Variants in FAM81B observed in about 807,000 individuals in gnomAD.
FAM81B encodes the protein protein FAM81B.
FAM81B carries 60 observed loss-of-function variants against 58.7 expected under a neutral mutation model. That is an observed-to-expected ratio of 1.02 (90% CI 0.83 to 1.27). FAM81B has a LOEUF of 1.27. Ranked by LOEUF, FAM81B falls within the 50% of genes most tolerant of loss-of-function variation. The pLI is 0.00. For synonymous variants in FAM81B, 189 were observed against 179.6 expected (o/e 1.05, Z -0.42); for missense variants, 491 against 522.0 (o/e 0.94, Z 0.58).
intron 4 of FAM81B, 123 bp from the exon 5 acceptor site, chr5:95,420,161 C>T: frequency 8.6e-7 from 1 of 1,164,946 alleles, no homozygotes; most frequent in Non-Finnish European, 1.2e-6. Context: ...ATAGGACTCT[C>T]TCACTCATGC....
At chr5:95,408,075 T>TGAGAGAGAGAGAGAGAGAGAGAGA (rs10567707) in intron 3 of FAM81B, among the ~76,000 whole-genome samples, 2 of 130,330 alleles carry the variant, frequency 1.5e-5, no homozygotes, top group African/African-American at 5.9e-5. Context: ...TCCCCCAAAA[T>TGAGAGAGAGAGAGAGAGAGAGAGA]GAGAGAGAGA....
chr5:95,394,062 T>C (rs2548650), intron 2 of FAM81B, among the ~76,000 whole-genome samples: 48,865 of 151,938 alleles, frequency 0.32, 8,288 homozygotes, highest in Middle Eastern at 0.4. Flanking sequence ...AAAGCCAACA[T>C]CAGTGGCTTT....
intron 8 of FAM81B, among the ~76,000 whole-genome samples, chr5:95,447,050 T>A (rs373970142): frequency 1.3e-5 from 2 of 152,182 alleles, no homozygotes; most frequent in East Asian, 3.9e-4. Flanking sequence ...CCCTGAGTGA[T>A]GTGCAGACAA....
intron 7 of FAM81B, among the ~76,000 whole-genome samples, chr5:95,438,342 T>C (rs185387924): frequency 8.5e-5 from 13 of 152,282 alleles, no homozygotes; most frequent in East Asian, 3.9e-4. Flanking sequence ...GTAATCTGTT[T>C]CTAGATATAC....
chr5:95,424,898 G>T (rs1390014054), intron 5 of FAM81B, among the ~76,000 whole-genome samples: 1 of 152,038 alleles, frequency 6.6e-6, no homozygotes, highest in Non-Finnish European at 1.5e-5. Flanking sequence ...ATAACAAAAG[G>T]AGATAGATAG....
At chr5:95,412,777 G>A (rs1029684192) in intron 3 of FAM81B, among the ~76,000 whole-genome samples, 10 of 152,140 alleles carry the variant, frequency 6.6e-5, no homozygotes, top group African/African-American at 2.4e-4. Context: ...AATATATAAA[G>A]AAGCAGGTAA....
At chr5:95,409,092 A>G (rs1224289532) in intron 3 of FAM81B, among the ~76,000 whole-genome samples, 2 of 152,250 alleles carry the variant, frequency 1.3e-5, no homozygotes, top group African/African-American at 2.4e-5. Context: ...ACATGTTACA[A>G]TGACATTTTA....
intron 6 of FAM81B, among the ~76,000 whole-genome samples, chr5:95,436,005 C>T (rs2152768593): frequency 6.6e-6 from 1 of 152,292 alleles, no homozygotes; most frequent in East Asian, 1.9e-4. Context: ...AATGCCCACT[C>T]TCCTCCATAT....
At chr5:95,425,464 A>G (rs79132216) in intron 5 of FAM81B, among the ~76,000 whole-genome samples, 19 of 152,178 alleles carry the variant, frequency 1.2e-4, no homozygotes, top group African/African-American at 4.6e-4. Flanking sequence ...TGAAAGAAAG[A>G]AAAAAAATGT....
chr5:95,418,368 A>T (rs1762589552), intron 4 of FAM81B, among the ~76,000 whole-genome samples: 1 of 152,200 alleles, frequency 6.6e-6, no homozygotes, highest in African/African-American at 2.4e-5. Context: ...TCTTCAGGGA[A>T]AAGGTTGAAG....
At chr5:95,449,009 G>A (rs1745694680) in intron 9 of FAM81B, among the ~76,000 whole-genome samples, 1 of 152,132 alleles carries the variant, frequency 6.6e-6, no homozygotes, top group African/African-American at 2.4e-5. Context: ...AATTTGAAAG[G>A]CTCATCTAAT....
At chr5:95,442,152 A>C (rs1427027548) in intron 7 of FAM81B, among the ~76,000 whole-genome samples, 1 of 152,234 alleles carries the variant, frequency 6.6e-6, no homozygotes, top group Non-Finnish European at 1.5e-5. Context: ...TTGAAATAGA[A>C]GTAGAAGCCA....
At chr5:95,440,935 T>C (rs1042742340) in intron 7 of FAM81B, among the ~76,000 whole-genome samples, 3 of 151,878 alleles carry the variant, frequency 2.0e-5, no homozygotes, top group African/African-American at 7.3e-5. Context: ...TCATGGAAAA[T>C]GTGAGAGAGA....
chr5:95,414,001 C>T lies in FAM81B; in HGVS notation c.348C>T (p.Asp116=). ...ACACCCAGAGAGGTCAGCTAGAAGA[C>T]AGACTGAACAACCAGGCGCGTACCA... is the stretch of plus-strand genomic sequence containing the variant. ...IPNTQRGQLE[D]RLNNQARTIA... is the part of the protein sequence containing the mutation. The change falls in exon 4 of 10, where the codon GAC becomes GAT. Residue 116 remains aspartate, a synonymous_variant. Transcript: ENST00000283357. 1 of 1,614,082 alleles carries T rather than the reference C, an allele frequency of 6.2e-7. No homozygotes were observed. The highest frequency in any genetic ancestry group is 2.2e-5 in the East Asian group (1 of 44,882).
rs536880240 is a variant in FAM81B, at chr5:95,424,029, T to C, written c.656+3627T>C. 1.4e-5 allele frequency: 18 copies of C among 1,289,430 alleles called. No individual in the cohort carries two copies. In the South Asian group the frequency reaches 2.0e-4, roughly 14 times the overall value. 79.9% of individuals were successfully genotyped at this position (1,289,430 alleles called of 1,614,324 possible). On this transcript the variant is annotated intron_variant, in intron 5 of 9. Transcript: ENST00000283357. The stretch of plus-strand genomic sequence containing the variant: ...TATAGCCAAGGATGCAACCGTGTTC[T>C]TTATCATTTCTATCATCTAGGACCT...
At chr5:95,403,387 A>C (rs896470591) in intron 3 of FAM81B, among the ~76,000 whole-genome samples, 5 of 152,268 alleles carry the variant, frequency 3.3e-5, no homozygotes, top group African/African-American at 1.2e-4. Flanking sequence ...TATGGACTAG[A>C]GTAAATATTG....
chr5:95,393,590 T>C (rs1034483692), intron 2 of FAM81B, among the ~76,000 whole-genome samples: 2 of 152,178 alleles, frequency 1.3e-5, no homozygotes, highest in African/African-American at 4.8e-5. Context: ...AGTATGATTA[T>C]CATCATCATC....
rs778993021 is a variant in FAM81B at position 95,450,260 on chromosome 5, T to C, written c.1337T>C (p.Ile446Thr). 1.2e-5 allele frequency: 20 copies of C among 1,612,942 alleles called. No homozygotes were observed. Among genetic ancestry groups the C allele is most frequent in the Middle Eastern group, 3.3e-4 (2 of 6,046 alleles). The change falls in exon 10 of 10, where the codon ATA (isoleucine) becomes ACA (threonine). Residue 446 changes from isoleucine (I) to threonine (T), a missense_variant. By Grantham distance (89) the Ile-to-Thr change is moderately conservative (BLOSUM62 -1). Coordinates refer to ENST00000283357, the MANE Select transcript of FAM81B (RefSeq NM_152548.3). ...GACCTAAAGAAATTACAGCGCAAGA[T>C]AGTGGAACTCCAGGAAGTATAAACC... is the stretch of plus-strand genomic sequence containing the variant. ...QKDLKKLQRK[I>T]VELQEV
chr5:95,392,451 C>T (rs772987852), intron 1 of FAM81B, among the ~76,000 whole-genome samples: 4 of 152,034 alleles, frequency 2.6e-5, no homozygotes, highest in Non-Finnish European at 5.9e-5. Flanking sequence ...TGTATACCTA[C>T]GTAACAAACC....
Sources: allele counts gnomAD v4.1 joint callset (sites outside exome capture counted in the v4.1 genomes callset), GRCh38; gene constraint gnomAD v4.1.1; transcripts MANE v1.5; gene names NCBI Gene and HGNC (gene_info 2026-07-23, HGNC 2026-07-21).